The following KLHL32 variants were observed in gnomAD, a reference collection of about 807,000 sequenced individuals.
The protein encoded by KLHL32 is kelch-like protein 32.
KLHL32 carries 35 observed loss-of-function variants against 64.8 expected under a neutral mutation model. That is an observed-to-expected ratio of 0.54 (90% CI 0.41 to 0.72). The LOEUF (loss-of-function observed/expected upper bound fraction) is 0.72. Among genes scored for constraint, KLHL32 ranks in the 30% least tolerant of loss-of-function variants. KLHL32 has a pLI of 0.00. For synonymous variants in KLHL32, 259 were observed against 281.0 expected (o/e 0.92, Z 0.78); for missense variants, 589 against 768.5 (o/e 0.77, Z 2.76).
intron 1 of KLHL32, among the ~76,000 whole-genome samples, chr6:96,962,077 AAG>A (rs1773942559): frequency 6.6e-6 from 1 of 152,196 alleles, no homozygotes; most frequent in African/African-American, 2.4e-5. Flanking sequence ...AACTAGAAGT[AAG>A]TAATTAAAAG....
rs374627603 is a variant in KLHL32, at chr6:96,966,965, A to G, written c.-65-31A>G. On this transcript the variant is annotated intron_variant, in intron 1 of 10. Transcript: ENST00000369261. ...AGTGTGCTTTTCTGCATTTAGCTCA[A>G]TGCACCCTTTTCTCTTGTCTTTTTA... 4.5e-5 allele frequency: 51 copies of G among 1,132,746 alleles called. No individual in the cohort carries two copies. In the African/African-American group the frequency reaches 7.3e-4, roughly 16 times the overall value. 70.2% of individuals were successfully genotyped at this position (1,132,746 alleles called of 1,614,324 possible). A position where few individuals can be genotyped will look rare whatever the true frequency, so the allele number is the denominator to read the frequency against.
intron 6 of KLHL32, among the ~76,000 whole-genome samples, chr6:97,106,856 T>G (rs1290148393): frequency 2.0e-5 from 3 of 152,222 alleles, no homozygotes; most frequent in Non-Finnish European, 4.4e-5. Context: ...TACAAACTCT[T>G]TACTTGGTAT....
In KLHL32 at chr6:97,095,468, T is replaced by C. The variant is rs550480647; in HGVS notation, c.627+10127T>C. 5.3e-5 allele frequency among the ~76,000 whole-genome samples: 8 copies of C among 152,332 alleles called. No individual in the cohort carries two copies. In the East Asian group the frequency reaches 1.5e-3, roughly 29 times the overall value. ...TTTAGAATGATTAATTCCACACCCC[T>C]TGGATTCTGGGAGTTAGAATAGGCA... On this transcript the variant is annotated intron_variant, in intron 6 of 10. Coordinates refer to ENST00000369261, the MANE Select transcript of KLHL32 (RefSeq NM_052904.4).
chr6:97,103,405 G>A (rs1302243691), intron 6 of KLHL32, among the ~76,000 whole-genome samples: 3 of 151,928 alleles, frequency 2.0e-5, no homozygotes, highest in East Asian at 1.9e-4. Flanking sequence ...GGTAGAGATG[G>A]GGTTTCACCA....
chr6:96,954,935 G>A (rs956087518), intron 1 of KLHL32, among the ~76,000 whole-genome samples: 1 of 152,160 alleles, frequency 6.6e-6, no homozygotes, highest in African/African-American at 2.4e-5. Flanking sequence ...TAAACAACAA[G>A]TATATTTCTC....
chr6:97,083,768 T>C (rs1178965798), intron 5 of KLHL32, among the ~76,000 whole-genome samples: 2 of 152,252 alleles, frequency 1.3e-5, no homozygotes, highest in Admixed American at 6.5e-5. Flanking sequence ...GCACTCTTTC[T>C]ATAACAGCAG....
chr6:96,902,390 ATGTT>A, the KLHL32 span, among the ~76,000 whole-genome samples: 1 of 152,024 alleles, frequency 6.6e-6, no homozygotes, highest in African/African-American at 2.4e-5. Context: ...GGCTGCATGT[ATGTT>A]TTATTTTGAG....
rs1011337693 is a variant in KLHL32, at chr6:96,996,241, G to A, written c.204+20064G>A. On this transcript the variant is annotated intron_variant, in intron 3 of 10. Transcript: ENST00000369261. ...TGTCTTGACTGTCTAACATAACTTC[G>A]TATATGTGTTGGTAAAGTGATTCAA... Among the ~76,000 whole-genome samples the A allele has an allele frequency of 6.6e-5, 10 of 152,168 alleles. No homozygotes were observed. The East Asian group carries it at 7.7e-4, about 12-fold the overall frequency.
chr6:96,955,295 T>A (rs1447861533), intron 1 of KLHL32, among the ~76,000 whole-genome samples: 2 of 152,216 alleles, frequency 1.3e-5, no homozygotes, highest in African/African-American at 4.8e-5. Context: ...ATTGAGTTTT[T>A]TCTTTGAATT....
chr6:96,986,573 G>A (rs572603909), intron 3 of KLHL32, among the ~76,000 whole-genome samples: 23 of 152,262 alleles, frequency 1.5e-4, no homozygotes, highest in Admixed American at 5.9e-4. Flanking sequence ...TGGCAATGGC[G>A]GGCGCCCCTC....
rs190684346 is a variant in KLHL32 at position 97,113,335 on chromosome 6, C to A, written c.628-448C>A. 5.2e-3 allele frequency among the ~76,000 whole-genome samples: 788 copies of A among 152,048 alleles called. 1 individual carries two copies. Among genetic ancestry groups the A allele is most frequent in the Non-Finnish European group, 9.4e-3 (638 of 67,986 alleles). ...TCTCAGATGATCACATATTTTCTTA[C>A]GTTACTCATATTGATACAGCACCTT... On this transcript the variant is annotated intron_variant, in intron 6 of 10. Coordinates refer to ENST00000369261, the MANE Select transcript of KLHL32 (RefSeq NM_052904.4).
chr6:97,085,899 C>T (rs1187874868), intron 6 of KLHL32, among the ~76,000 whole-genome samples: 1 of 152,178 alleles, frequency 6.6e-6, no homozygotes, highest in Admixed American at 6.5e-5. Context: ...CCTGACATAG[C>T]ATTCTTTTCA....
intron 4 of KLHL32, among the ~76,000 whole-genome samples, chr6:97,061,907 G>A (rs925245569): frequency 1.4e-4 from 21 of 152,152 alleles, no homozygotes; most frequent in African/African-American, 4.8e-4. Flanking sequence ...TGAATCAAAA[G>A]CCTCTGGTAC....
chr6:96,954,676 G>A (rs1045712895), intron 1 of KLHL32, among the ~76,000 whole-genome samples: 9 of 152,052 alleles, frequency 5.9e-5, no homozygotes, highest in Non-Finnish European at 1.2e-4. Context: ...TTTTCAGATG[G>A]CACCTCTACC....
chr6:96,909,264 AAAGATAG>A, the KLHL32 span, among the ~76,000 whole-genome samples: 4 of 152,196 alleles, frequency 2.6e-5, no homozygotes, highest in Non-Finnish European at 4.4e-5. Flanking sequence ...TAGACAGAAA[AAAGATAG>A]AAGATAGAAG....
At chr6:96,926,166 A>G (rs1426082029) in intron 1 of KLHL32, among the ~76,000 whole-genome samples, 1 of 152,248 alleles carries the variant, frequency 6.6e-6, no homozygotes, top group Admixed American at 6.5e-5. Context: ...CAAATGGCCC[A>G]GTAAAGATCC....
At chr6:97,119,763 G>T (rs1798171352) in intron 7 of KLHL32, among the ~76,000 whole-genome samples, 1 of 152,172 alleles carries the variant, frequency 6.6e-6, no homozygotes, top group Non-Finnish European at 1.5e-5. Context: ...CATTTAGGGA[G>T]AGAATGTGTT....
At chr6:96,968,562 AT>A (rs1774747689) in intron 2 of KLHL32, among the ~76,000 whole-genome samples, 1 of 151,962 alleles carries the variant, frequency 6.6e-6, no homozygotes, top group African/African-American at 2.4e-5. Flanking sequence ...ACTTAAAATA[AT>A]TTTTTACTTT....
chr6:97,002,843 T>C (rs569724729), intron 3 of KLHL32, among the ~76,000 whole-genome samples: 5 of 152,320 alleles, frequency 3.3e-5, no homozygotes, highest in Admixed American at 3.3e-4. Flanking sequence ...GAATAGTACA[T>C]ATGTAGTACA....
Sources: allele counts gnomAD v4.1 joint callset (sites outside exome capture counted in the v4.1 genomes callset), GRCh38; gene constraint gnomAD v4.1.1; transcripts MANE v1.5; gene names NCBI Gene and HGNC (gene_info 2026-07-23, HGNC 2026-07-21).